The following ATP13A1 variants were observed in gnomAD, a reference collection of about 807,000 sequenced individuals.
ATP13A1 encodes the protein ATPase 13A1.
Under a neutral mutation model 134.8 loss-of-function variants are expected in ATP13A1, and 55 were observed. The observed-to-expected ratio is 0.41, with a 90% CI of 0.33 to 0.51. ATP13A1 has a LOEUF of 0.51. Among genes scored for constraint, ATP13A1 ranks in the 20% least tolerant of loss-of-function variants. The pLI is 0.29. For synonymous variants in ATP13A1, 775 were observed against 725.1 expected, an observed-to-expected ratio of 1.07 and a Z score of -1.10; for missense variants, 1,389 against 1,652.8, an observed-to-expected ratio of 0.84 and a Z score of 2.77.
In ATP13A1 at chr19:19,659,943, G is replaced by T; in HGVS notation, c.441C>A (p.Thr147=). 6.3e-7 allele frequency: 1 copy of T among 1,586,350 alleles called. No homozygotes were observed. Among genetic ancestry groups the T allele is most frequent in the Non-Finnish European group, 8.6e-7 (1 of 1,167,742 alleles). Residue 147 remains threonine, a synonymous_variant, in exon 2 of 26, where the codon ACC becomes ACA. Coordinates refer to ENST00000357324, the MANE Select transcript of ATP13A1 (RefSeq NM_020410.3). ...SKATFVKVVP[T]PNNGSTELVA... Reference sequence around the variant, plus strand: ...CGAGCTCCGTGGAGCCATTGTTGGGGGTTGGCACCACCTTCACAAAGGTCG... The same window carrying T: ...CGAGCTCCGTGGAGCCATTGTTGGGTGTTGGCACCACCTTCACAAAGGTCG...
intron 18 of ATP13A1, 24 bp downstream of exon 18, chr19:19,649,716 CT>C (rs1373794537): frequency 1.2e-6 from 2 of 1,613,030 alleles, no homozygotes; most frequent in South Asian, 1.1e-5. Context: ...CGCTGTGCCC[CT>C]GACCCCTAGG....
intron 1 of ATP13A1, 23 bp from the exon 2 acceptor site, chr19:19,660,010 T>C (rs1364007662): frequency 4.5e-6 from 7 of 1,547,336 alleles, no homozygotes; most frequent in Non-Finnish European, 5.2e-6. Flanking sequence ...AAGAAAGCAT[T>C]GTGGCTTAGC....
At chr19:19,662,352 G>C (rs1381609097) in intron 1 of ATP13A1, 1 of 985,290 alleles carries the variant, frequency 1.0e-6, no homozygotes, top group African/African-American at 1.7e-5. Context: ...CCCACATTCA[G>C]AGCCAGCCAG....
chr19:19,648,893 G>A (rs1024561816), intron 19 of ATP13A1, among the ~76,000 whole-genome samples: 2 of 147,664 alleles, frequency 1.4e-5, no homozygotes, highest in Admixed American at 6.8e-5. Flanking sequence ...AGGCCAAGGC[G>A]GGTGGATCAC....
Position 19,656,947 on chromosome 19 carries a change from C to G in ATP13A1, c.907-31G>C. 1 of 1,605,022 alleles carries G rather than the reference C, an allele frequency of 6.2e-7. No individual in the cohort carries two copies. Among genetic ancestry groups the G allele is most frequent in the Non-Finnish European group, 8.5e-7 (1 of 1,176,262 alleles). Reference sequence around the variant, plus strand: ...CGGGGCATGGGTGTCAGCACAGAAGCCGCACCTGTGCTGCACCCCCAACCT... The same window carrying G: ...CGGGGCATGGGTGTCAGCACAGAAGGCGCACCTGTGCTGCACCCCCAACCT... On this transcript the variant is annotated intron_variant, in intron 5 of 25. Coordinates refer to ENST00000357324, the MANE Select transcript of ATP13A1 (RefSeq NM_020410.3). The surrounding 1 kb of genome is among the most constrained non-coding windows in gnomAD (Gnocchi z 4.6).
intron 19 of ATP13A1, among the ~76,000 whole-genome samples, chr19:19,648,510 A>G (rs1568425567): frequency 6.7e-6 from 1 of 149,408 alleles, no homozygotes; most frequent in Non-Finnish European, 1.5e-5. Context: ...AAAAAAAAAA[A>G]AGAAAAAAGA....
chr19:19,650,009 T>G (rs988749309), intron 17 of ATP13A1, 69 bp from the exon 18 acceptor site: 2 of 1,399,588 alleles, frequency 1.4e-6, no homozygotes, highest in African/African-American at 1.4e-5. Flanking sequence ...CTCCCTCCAC[T>G]CGGACCCCAG....
At position 19,653,905 on chromosome 19, in the gene ATP13A1, T is replaced by A; in HGVS notation, c.1990-11A>T. The A allele has an allele frequency of 6.4e-7, 1 of 1,567,132 alleles. No homozygotes were observed. The stretch of plus-strand genomic sequence containing the variant: ...CGGGCACTGGGAGAACTGCAGGGAA[T>A]GCAGGGGGATGTCACGGGCTGCCCC... On this transcript the variant is annotated splice_polypyrimidine_tract_variant and intron_variant, in intron 14 of 25. Transcript: ENST00000357324. This position sits in a 1 kb window ranked among gnomAD's most constrained non-coding sequence, Gnocchi z 4.2.
rs2145008342 is a variant in ATP13A1 at position 19,655,048 on chromosome 19, G to A, written c.1655+71C>T. The A allele has an allele frequency of 1.3e-6, 2 of 1,586,548 alleles. No individual in the cohort carries two copies. Among genetic ancestry groups the A allele is most frequent in the Non-Finnish European group, 8.6e-7 (1 of 1,168,862 alleles). On this transcript the variant is annotated intron_variant, in intron 12 of 25. Transcript: ENST00000357324. The surrounding 1 kb of genome is among the most constrained non-coding windows in gnomAD (Gnocchi z 5.7). Reference sequence around the variant, plus strand: ...CTCACTGCAAGGGCTTGGGGTGGATGGGCCACCTGTCTCTCGACTTCCCAG... The same window carrying A: ...CTCACTGCAAGGGCTTGGGGTGGATAGGCCACCTGTCTCTCGACTTCCCAG...
chr19:19,655,775 G>A lies in ATP13A1; in HGVS notation c.1269+103C>T, dbSNP rs927167557. On this transcript the variant is annotated intron_variant, in intron 9 of 25. Coordinates refer to ENST00000357324, the MANE Select transcript of ATP13A1 (RefSeq NM_020410.3). The surrounding 1 kb of genome is among the most constrained non-coding windows in gnomAD (Gnocchi z 5.7). Reference sequence around the variant, plus strand: ...CCTGGCCCAGGTCCAGGGCCGTGCTGCCAGAGTCAGCCCGTGGGGCAGATG... The same window carrying A: ...CCTGGCCCAGGTCCAGGGCCGTGCTACCAGAGTCAGCCCGTGGGGCAGATG... 10 of 1,533,254 alleles carry A rather than the reference G, an allele frequency of 6.5e-6. No individual in the cohort carries two copies. The highest frequency in any genetic ancestry group is 2.0e-5 in the Admixed American group (1 of 51,128). 95.0% of individuals were successfully genotyped at this position (1,533,254 alleles called of 1,614,324 possible).
chr19:19,659,817 A>G, intron 2 of ATP13A1, 26 bp from the exon 3 acceptor site: 2 of 1,609,912 alleles, frequency 1.2e-6, no homozygotes, highest in Non-Finnish European at 1.7e-6. Flanking sequence ...TGTTTGCCAC[A>G]GAGGCCCCTG....
At chr19:19,657,264 T>C (rs2062065440) in intron 4 of ATP13A1, 72 bp downstream of exon 4, 1 of 1,506,722 alleles carries the variant, frequency 6.6e-7, no homozygotes, top group African/African-American at 1.4e-5. Flanking sequence ...TTAGAAGTGG[T>C]GGGCAGGCTT....
Position 19,663,297 on chromosome 19 carries a change from C to G in ATP13A1, c.370G>C (p.Ala124Pro). The change falls in exon 1 of 26, where the codon GCG becomes CCG. Residue 124 changes from alanine (A) to proline (P), a missense_variant. By Grantham distance (27) the Ala-to-Pro change is conservative (BLOSUM62 -1). This residue lies in a region of ATP13A1 where 293 missense variants were observed against 270.8 expected (regional missense o/e 1.08). Coordinates refer to ENST00000357324, the MANE Select transcript of ATP13A1 (RefSeq NM_020410.3). Reference sequence around the variant, plus strand: ...GGGGTGCAGGTGAGCGCGCAATGCGCGTGCACAGACCAATGCCCCGAGAGG... The same window carrying G: ...GGGGTGCAGGTGAGCGCGCAATGCGGGTGCACAGACCAATGCCCCGAGAGG... ...TVLSGHWSVH[A>P]HCALTCTPEY... The G allele has an allele frequency of 1.9e-6, 3 of 1,588,386 alleles. No homozygotes were observed. The highest frequency in any genetic ancestry group is 2.6e-6 in the Non-Finnish European group (3 of 1,168,810).
At position 19,647,882 on chromosome 19, in the gene ATP13A1, C is replaced by A; in HGVS notation, c.2633-123G>T. On this transcript the variant is annotated intron_variant, in intron 19 of 25. Coordinates refer to ENST00000357324, the MANE Select transcript of ATP13A1 (RefSeq NM_020410.3). The surrounding 1 kb of genome is among the most constrained non-coding windows in gnomAD (Gnocchi z 4.8). ...TCCCGTGAGGACAGTTCCCAGACTT[C>A]CCCATTTCACCTGACACCCTAAGGA... 8.1e-7 allele frequency: 1 copy of A among 1,235,730 alleles called. No homozygotes were observed. Among genetic ancestry groups the A allele is most frequent in the Non-Finnish European group, 1.1e-6 (1 of 913,034 alleles). 76.5% of individuals were successfully genotyped at this position (1,235,730 alleles called of 1,614,324 possible). A position where few individuals can be genotyped will look rare whatever the true frequency, so the allele number is the denominator to read the frequency against.
Position 19,647,372 on chromosome 19 carries a change from A to C in ATP13A1, c.2908+42T>G, listed in dbSNP as rs746385187. 3.5e-6 allele frequency: 5 copies of C among 1,417,514 alleles called. No homozygotes were observed. Among genetic ancestry groups the C allele is most frequent in the South Asian group, 1.2e-5 (1 of 83,916 alleles). The allele number at this position is 1,417,514 out of a possible 1,614,324, so 87.8% of individuals were successfully genotyped here. ...GGTGTGGGTGTGGGTAGGGGTGCCA[A>C]GGGGGGAATGAAGGGAGGGGGAGCG... On this transcript the variant is annotated intron_variant, in intron 21 of 25. Coordinates refer to ENST00000357324, the MANE Select transcript of ATP13A1 (RefSeq NM_020410.3). This position sits in a 1 kb window ranked among gnomAD's most constrained non-coding sequence, Gnocchi z 4.8.
Position 19,655,332 on chromosome 19 carries a change from G to A in ATP13A1, c.1518C>T (p.Ile506=), listed in dbSNP as rs117174741. 493 of 1,613,964 alleles carry A rather than the reference G, an allele frequency of 3.1e-4. 3 individuals carry two copies. The East Asian group carries it at 9.8e-3, about 32-fold the overall frequency. ...CACACTCACAGAGCTTGGCCAGGGCGATGAGGGAGGTGTTGACGGCCAGGG... is the reference window on the plus strand; with the variant it reads ...CACACTCACAGAGCTTGGCCAGGGCAATGAGGGAGGTGTTGACGGCCAGGG... The part of the protein sequence containing the change: ...ELSLAVNTSL[I]ALAKLYMYCT... The change falls in exon 11 of 26, where the codon ATC becomes ATT. Residue 506 remains isoleucine, a synonymous_variant. Transcript: ENST00000357324. The surrounding 1 kb of genome is among the most constrained non-coding windows in gnomAD (Gnocchi z 5.7).
Position 19,647,101 on chromosome 19 carries a change from C to A in ATP13A1, c.3105+28G>T. 6.3e-7 allele frequency: 1 copy of A among 1,594,060 alleles called. No individual in the cohort carries two copies. Among genetic ancestry groups the A allele is most frequent in the Non-Finnish European group, 8.5e-7 (1 of 1,169,920 alleles). On this transcript the variant is annotated intron_variant, in intron 22 of 25. Transcript: ENST00000357324. This position sits in a 1 kb window ranked among gnomAD's most constrained non-coding sequence, Gnocchi z 4.8. ...CTGGCCCTGGCAGGCCCATGCATCC[C>A]TGGCCTTCCAGCACCTCTGGGGCCC...
intron 19 of ATP13A1, among the ~76,000 whole-genome samples, chr19:19,648,422 G>T (rs1024765150): frequency 6.7e-6 from 1 of 149,190 alleles, no homozygotes; most frequent in African/African-American, 2.5e-5. Flanking sequence ...GTAGATAAAA[G>T]CAGATAAATA....
At chr19:19,660,384 A>G in intron 1 of ATP13A1, 1 of 196,298 alleles carries the variant, frequency 5.1e-6, no homozygotes. Flanking sequence ...TAGGAGGCTG[A>G]GGCAGGAGAA....
Sources: allele counts gnomAD v4.1 joint callset (sites outside exome capture counted in the v4.1 genomes callset), GRCh38; gene constraint gnomAD v4.1.1; regional missense constraint gnomAD v4.1.1; non-coding constraint Gnocchi (gnomAD v3.1); transcripts MANE v1.5; gene names NCBI Gene and HGNC (gene_info 2026-07-23, HGNC 2026-07-21).